ZCCHC7: variants seen among roughly 807,000 people sequenced by gnomAD.
The protein encoded by ZCCHC7 is zinc finger CCHC domain-containing protein 7.
A neutral mutation model predicts 52.0 loss-of-function variants in ZCCHC7; 35 were observed. The ratio of observed to expected loss-of-function variants is 0.67; its 90% CI spans 0.51 to 0.89. The LOEUF (loss-of-function observed/expected upper bound fraction) is 0.89, where lower values mean the gene tolerates loss of function less well. ZCCHC7 is among the 40% of genes least tolerant of loss of function. ZCCHC7 has a pLI of 0.00. For missense variants in ZCCHC7, 574 were observed against 649.1 expected (o/e 0.88, Z 1.26); for synonymous variants, 217 against 221.5 (o/e 0.98, Z 0.18).
chr9:37,218,996 G>A (rs138584465), intron 2 of ZCCHC7, among the ~76,000 whole-genome samples: 3 of 146,758 alleles, frequency 2.0e-5, no homozygotes, highest in Admixed American at 1.4e-4. Flanking sequence ...CCAGAGAGGC[G>A]GAGGTTGCAG....
At chr9:37,229,027 G>A (rs1825267067) in intron 2 of ZCCHC7, among the ~76,000 whole-genome samples, 1 of 151,726 alleles carries the variant, frequency 6.6e-6, no homozygotes, top group African/African-American at 2.4e-5. Flanking sequence ...GTAGAGAAAG[G>A]GTTTCACCGT....
intron 2 of ZCCHC7, among the ~76,000 whole-genome samples, chr9:37,227,882 G>A (rs1280514408): frequency 1.3e-5 from 2 of 151,848 alleles, no homozygotes; most frequent in Non-Finnish European, 2.9e-5. Flanking sequence ...AGCTCACTCT[G>A]CCTCCCAGGT....
At chr9:37,164,527 CAGAA>C (rs556626602) in intron 2 of ZCCHC7, among the ~76,000 whole-genome samples, 30 of 150,486 alleles carry the variant, frequency 2.0e-4, no homozygotes, top group African/African-American at 5.9e-4. Context: ...GACTCTGTCT[CAGAA>C]GGAAGGGAGG....
At chr9:37,186,552 T>C (rs1329129292) in intron 2 of ZCCHC7, among the ~76,000 whole-genome samples, 5 of 152,328 alleles carry the variant, frequency 3.3e-5, no homozygotes, top group East Asian at 1.9e-4. Context: ...GTTTAATCTT[T>C]AGGGTGTTAC....
chr9:37,202,796 T>G (rs951863543), intron 2 of ZCCHC7, among the ~76,000 whole-genome samples: 1 of 152,234 alleles, frequency 6.6e-6, no homozygotes, highest in Non-Finnish European at 1.5e-5. Context: ...TAAACTACTT[T>G]AGAGTAGAAA....
chr9:37,159,973 T>C (rs983871828), intron 2 of ZCCHC7, among the ~76,000 whole-genome samples: 2 of 152,196 alleles, frequency 1.3e-5, no homozygotes, highest in African/African-American at 2.4e-5. Flanking sequence ...CAGTAGAATT[T>C]AAAGAGATTC....
chr9:37,148,668 A>G (rs1843549818), intron 2 of ZCCHC7, among the ~76,000 whole-genome samples: 1 of 152,192 alleles, frequency 6.6e-6, no homozygotes, highest in Non-Finnish European at 1.5e-5. Context: ...TTCTTAAGTC[A>G]GTGTTTCTCA....
intron 2 of ZCCHC7, among the ~76,000 whole-genome samples, chr9:37,134,534 A>G (rs916113843): frequency 3.9e-5 from 6 of 152,236 alleles, no homozygotes; most frequent in Non-Finnish European, 8.8e-5. Context: ...TAAAATGTGT[A>G]TAAGGTTCCA....
intron 2 of ZCCHC7, among the ~76,000 whole-genome samples, chr9:37,217,841 G>A (rs947825689): frequency 6.6e-6 from 1 of 152,152 alleles, no homozygotes; most frequent in African/African-American, 2.4e-5. Context: ...CTCTGGATAT[G>A]AAGATAAATC....
intron 2 of ZCCHC7, among the ~76,000 whole-genome samples, chr9:37,160,594 C>T (rs1369383621): frequency 6.6e-6 from 1 of 152,096 alleles, no homozygotes; most frequent in South Asian, 2.1e-4. Flanking sequence ...TTGTATGTCA[C>T]ATTTAACATG....
intron 2 of ZCCHC7, among the ~76,000 whole-genome samples, chr9:37,294,400 C>T (rs945338809): frequency 2.0e-5 from 3 of 152,276 alleles, no homozygotes; most frequent in Non-Finnish European, 4.4e-5. Context: ...GCAGCTTTGT[C>T]TGTGTGGTCT....
At chr9:37,310,113 C>T (rs959116243) in intron 5 of ZCCHC7, among the ~76,000 whole-genome samples, 4 of 152,014 alleles carry the variant, frequency 2.6e-5, no homozygotes, top group Non-Finnish European at 5.9e-5. Flanking sequence ...GGAAATTGCT[C>T]ATTGGTTAAC....
rs543048289 is a variant in ZCCHC7, at chr9:37,305,534, C to T, written c.781-10C>T. On this transcript the variant is annotated splice_polypyrimidine_tract_variant and intron_variant, in intron 4 of 8. Transcript: ENST00000336755. The stretch of plus-strand genomic sequence containing the variant: ...GACTGAAGAGATTTTATGTTTTTTT[C>T]GCCACATAGAAAGTTCGTCGCTGCT... The T allele has an allele frequency of 1.3e-5, 21 of 1,610,246 alleles. No individual in the cohort carries two copies. In the East Asian group the frequency reaches 1.8e-4, roughly 14 times the overall value.
intron 2 of ZCCHC7, among the ~76,000 whole-genome samples, chr9:37,147,177 C>T (rs1439980093): frequency 6.6e-6 from 1 of 151,584 alleles, no homozygotes; most frequent in Non-Finnish European, 1.5e-5. Flanking sequence ...AAAAGTTAGC[C>T]CCGATAATTT....
chr9:37,353,508 A>G (rs1821516877), intron 7 of ZCCHC7, among the ~76,000 whole-genome samples: 2 of 152,368 alleles, frequency 1.3e-5, no homozygotes, highest in East Asian at 1.9e-4. Context: ...CAACTTGATG[A>G]CAGTGGTAAC....
At chr9:37,140,886 A>T (rs1207507510) in intron 2 of ZCCHC7, among the ~76,000 whole-genome samples, 1 of 152,028 alleles carries the variant, frequency 6.6e-6, no homozygotes, top group East Asian at 1.9e-4. Flanking sequence ...AGAAGGAGAT[A>T]GGTTTGTGAA....
At chr9:37,133,420 G>T (rs1172710005) in intron 2 of ZCCHC7, among the ~76,000 whole-genome samples, 5 of 149,904 alleles carry the variant, frequency 3.3e-5, no homozygotes, top group African/African-American at 1.2e-4. Context: ...TTGTCACCCA[G>T]GGTGGATTGC....
At chr9:37,150,750 G>T (rs985184117) in intron 2 of ZCCHC7, among the ~76,000 whole-genome samples, 1 of 152,052 alleles carries the variant, frequency 6.6e-6, no homozygotes, top group African/African-American at 2.4e-5. Flanking sequence ...CATATTTAAT[G>T]AGTAATAATT....
intron 2 of ZCCHC7, among the ~76,000 whole-genome samples, chr9:37,212,049 A>G (rs1007272988): frequency 3.5e-5 from 5 of 142,606 alleles, no homozygotes; most frequent in South Asian, 2.1e-4. Flanking sequence ...AAAAAAAAAA[A>G]AAAAAAAAAA....
Sources: gnomAD v4.1 joint callset for allele counts (sites outside exome capture counted in the v4.1 genomes callset) on GRCh38, gnomAD v4.1.1 for gene constraint, MANE v1.5 for transcripts, NCBI Gene and HGNC (gene_info 2026-07-23, HGNC 2026-07-21) for gene names.